CPS1: variants seen among roughly 807,000 people sequenced by gnomAD.
The protein encoded by CPS1 is carbamoyl-phosphate synthase [ammonia], mitochondrial.
In CPS1, 109 loss-of-function variants were observed where a neutral mutation model predicts 174.6. The ratio of observed to expected loss-of-function variants is 0.62; its 90% CI spans 0.53 to 0.73. The LOEUF (loss-of-function observed/expected upper bound fraction) is 0.73. CPS1 is among the 30% of genes least tolerant of loss of function. The pLI is 0.00. For missense variants in CPS1, 1,689 were observed against 1,821.9 expected (o/e 0.93, Z 1.33); for synonymous variants, 637 against 632.0 (o/e 1.01, Z -0.12).
At chr2:210,523,026 GA>G (rs1695869636) in intron 1 of CPS1, among the ~76,000 whole-genome samples, 1 of 151,958 alleles carries the variant, frequency 6.6e-6, no homozygotes, top group African/African-American at 2.4e-5. Context: ...GGTGAAATAA[GA>G]AAAGAACTGA....
At chr2:210,642,735 G>A (rs1411029941) in intron 25 of CPS1, 70 bp downstream of exon 25, 5 of 1,329,338 alleles carry the variant, frequency 3.8e-6, no homozygotes, top group Non-Finnish European at 5.3e-6. Context: ...TTATATATAT[G>A]CATTCTGGTA....
chr2:210,592,997 A>C (rs1179277141), intron 11 of CPS1, 41 bp downstream of exon 11: 2 of 1,556,742 alleles, frequency 1.3e-6, no homozygotes, highest in Non-Finnish European at 1.8e-6. Flanking sequence ...TGCAAAAAAA[A>C]AATGTATTTG....
chr2:210,605,713 C>G (rs1559101994), intron 17 of CPS1, among the ~76,000 whole-genome samples: 1 of 151,152 alleles, frequency 6.6e-6, no homozygotes, highest in African/African-American at 2.4e-5. Flanking sequence ...GCAGAGCTGT[C>G]AAAAAAGGGA....
At chr2:210,556,204 T>C (rs1470964190), upstream of CPS1, among the ~76,000 whole-genome samples, 7 of 152,078 alleles carry the variant, frequency 4.6e-5, no homozygotes, top group African/African-American at 1.4e-4. Context: ...GATTTTTACT[T>C]TTTGTAAAAA....
At position 210,650,466 on chromosome 2, in the gene CPS1, G is replaced by T. The variant is rs369846098; in HGVS notation, c.3480+28G>T. 2.3e-5 allele frequency: 34 copies of T among 1,462,928 alleles called. No homozygotes were observed. The African/African-American group carries it at 2.9e-4, about 13-fold the overall frequency. 90.6% of individuals were successfully genotyped at this position (1,462,928 alleles called of 1,614,324 possible). On this transcript the variant is annotated intron_variant, in intron 28 of 37. Coordinates refer to ENST00000233072, the MANE Select transcript of CPS1 (RefSeq NM_001875.5). ...AGTGTCCAATTTCTTTGTAGTGACT[G>T]TTATCTCTTAATAAACATGTAGTGA...
intron 25 of CPS1, 90 bp downstream of exon 25, chr2:210,642,755 A>G (rs1031710195): frequency 5.9e-6 from 7 of 1,184,888 alleles, no homozygotes; most frequent in Non-Finnish European, 7.3e-6. Flanking sequence ...ATATAGATGT[A>G]TATAGTAATT....
At chr2:210,560,795 C>G (rs926569361) in intron 1 of CPS1, among the ~76,000 whole-genome samples, 1 of 152,076 alleles carries the variant, frequency 6.6e-6, no homozygotes, top group Admixed American at 6.6e-5. Context: ...AAATATAACT[C>G]ATTATCATAT....
rs1305369403 is a variant in CPS1, at chr2:210,594,506, A to G, written c.1165-2A>G. ...TAACTAGTTGGTTGTATTTTTTTCT[A>G]GTACCTGTTTGATTCCTTTTTCTCA... is the stretch of plus-strand genomic sequence containing the variant. On this transcript the variant is annotated splice_acceptor_variant, in intron 11 of 37. Transcript: ENST00000233072. LOFTEE classifies it high-confidence loss of function. The G allele has an allele frequency of 3.1e-6, 5 of 1,604,582 alleles. No homozygotes were observed. Among genetic ancestry groups the G allele is most frequent in the African/African-American group, 1.3e-5 (1 of 74,726 alleles).
chr2:210,666,041 CATT>C (rs1445150538), intron 33 of CPS1, among the ~76,000 whole-genome samples: 1 of 151,540 alleles, frequency 6.6e-6, no homozygotes, highest in African/African-American at 2.4e-5. Flanking sequence ...GATGGTATCT[CATT>C]GTGGTTTAGA....
upstream of CPS1, chr2:210,555,751 C>G (rs1696893987): frequency 2.3e-6 from 1 of 434,038 alleles, no homozygotes; most frequent in African/African-American, 2.0e-5. Context: ...GTGACTTAAG[C>G]AAGAGCATCT....
rs562866284 is a variant in CPS1, at chr2:210,504,430, G to C, written c.3+26664G>C. Among the ~76,000 whole-genome samples, 2 of 152,324 alleles carry C rather than the reference G, an allele frequency of 1.3e-5. 1 individual carries two copies. The highest frequency in any genetic ancestry group is 4.1e-4 in the South Asian group (2 of 4,826). ...TTGTTTTAATCACTTGTCATATGTT[G>C]TGTCATTAATCCTCACATCAGTGTC... On this transcript the variant is annotated intron_variant, in intron 1 of 38. Coordinates refer to the CPS1 transcript ENST00000430249.
chr2:210,494,406 C>G (rs1694940642), intron 1 of CPS1, among the ~76,000 whole-genome samples: 1 of 152,146 alleles, frequency 6.6e-6, no homozygotes, highest in Non-Finnish European at 1.5e-5. Flanking sequence ...CTAATAAGAA[C>G]TACTTCAAAG....
intron 36 of CPS1, 152 bp from the exon 37 acceptor site, chr2:210,676,855 T>G: frequency 1.4e-6 from 1 of 690,604 alleles, no homozygotes; most frequent in Non-Finnish European, 2.6e-6. Flanking sequence ...TAAGTGTAAT[T>G]TAAACATCTA....
chr2:210,551,043 T>C (rs1696716075), intron 1 of CPS1, among the ~76,000 whole-genome samples: 1 of 151,986 alleles, frequency 6.6e-6, no homozygotes, highest in Non-Finnish European at 1.5e-5. Context: ...ATGATTAACT[T>C]TGGGCCTCTT....
chr2:210,592,984 G>A, intron 11 of CPS1, 28 bp downstream of exon 11: 4 of 1,581,624 alleles, frequency 2.5e-6, no homozygotes, highest in Non-Finnish European at 3.5e-6. Flanking sequence ...GGCCTATTAT[G>A]TATGCAAAAA....
At chr2:210,565,011 AATAAAAATAAATAAAT>A (rs1197339028) in intron 1 of CPS1, among the ~76,000 whole-genome samples, 6 of 150,978 alleles carry the variant, frequency 4.0e-5, no homozygotes, top group African/African-American at 1.2e-4. Flanking sequence ...AATAAATAAA[AATAAAAATAAATAAAT>A]AAATAAAAAA....
chr2:210,654,903 C>T (rs1443288378), intron 29 of CPS1, among the ~76,000 whole-genome samples: 1 of 152,172 alleles, frequency 6.6e-6, no homozygotes, highest in Non-Finnish European at 1.5e-5. Flanking sequence ...CTACTTACAA[C>T]AGAATCACAT....
At chr2:210,482,639 G>A (rs1350450672) in intron 1 of CPS1, among the ~76,000 whole-genome samples, 3 of 149,310 alleles carry the variant, frequency 2.0e-5, no homozygotes, top group African/African-American at 7.5e-5. Context: ...CTATAGACTA[G>A]AGTTTGACAT....
rs372217508 is a variant in CPS1 at position 210,590,179 on chromosome 2, C to T, written c.785C>T (p.Ala262Val). Reference sequence around the variant, plus strand: ...ATGGAGTATGATGGGATTTTGATCGCGGGAGGACCGGGGAACCCAGCTCTT... The same window carrying T: ...ATGGAGTATGATGGGATTTTGATCGTGGGAGGACCGGGGAACCCAGCTCTT... ...TKMEYDGILI[A>V]GGPGNPALAE... Residue 262 changes from alanine (A) to valine (V), a missense_variant, in exon 8 of 38, where the codon GCG (alanine) becomes GTG (valine). Coordinates refer to ENST00000233072, the MANE Select transcript of CPS1 (RefSeq NM_001875.5). The T allele has an allele frequency of 2.0e-5, 33 of 1,612,748 alleles. No individual in the cohort carries two copies. The highest frequency in any genetic ancestry group is 2.0e-4 in the East Asian group (9 of 44,844).
Sources: gnomAD v4.1 joint callset for allele counts (sites outside exome capture counted in the v4.1 genomes callset) on GRCh38, gnomAD v4.1.1 for gene constraint, MANE v1.5 for transcripts, NCBI Gene and HGNC (gene_info 2026-07-23, HGNC 2026-07-21) for gene names.